The following TTLL11 variants were observed in gnomAD, a reference collection of about 807,000 sequenced individuals.
The protein encoded by TTLL11 is tubulin polyglutamylase TTLL11.
In TTLL11, 42 loss-of-function variants were observed where a neutral mutation model predicts 51.7. The ratio of observed to expected loss-of-function variants is 0.81; its 90% CI spans 0.64 to 1.05. TTLL11 has a LOEUF of 1.05. TTLL11 is among the 50% of genes least tolerant of loss of function. The probability of loss-of-function intolerance (pLI) is 0.00; values close to 1 mark genes in which losing one functional copy is unlikely to be tolerated. For missense variants in TTLL11, 799 were observed against 940.4 expected, an observed-to-expected ratio of 0.85 and a Z score of 1.97; for synonymous variants, 381 against 383.5, an observed-to-expected ratio of 0.99 and a Z score of 0.08.
chr9:121,863,464 T>C (rs1207473848), intron 7 of TTLL11, among the ~76,000 whole-genome samples: 1 of 152,206 alleles, frequency 6.6e-6, no homozygotes, highest in Non-Finnish European at 1.5e-5. Context: ...CACTGGTATA[T>C]AGTCATTTTT....
intron 2 of TTLL11, among the ~76,000 whole-genome samples, chr9:122,034,373 G>C (rs1003208525): frequency 4.6e-5 from 7 of 152,178 alleles, no homozygotes; most frequent in Admixed American, 6.5e-5. Context: ...CAGCTAATAG[G>C]TGTTTCCAAG....
intron 6 of TTLL11, among the ~76,000 whole-genome samples, chr9:121,949,465 C>CA (rs1251477407): frequency 6.6e-6 from 1 of 152,208 alleles, no homozygotes; most frequent in African/African-American, 2.4e-5. Flanking sequence ...TGTGAAATGA[C>CA]AATGAGCATA....
chr9:121,941,550 C>T (rs907080241), intron 6 of TTLL11, among the ~76,000 whole-genome samples: 2 of 152,120 alleles, frequency 1.3e-5, no homozygotes, highest in East Asian at 1.9e-4. Flanking sequence ...CATTGTCAAC[C>T]GCATCATTCT....
At chr9:121,936,181 C>A (rs1003497643) in intron 6 of TTLL11, among the ~76,000 whole-genome samples, 9 of 151,904 alleles carry the variant, frequency 5.9e-5, no homozygotes, top group African/African-American at 1.2e-4. Context: ...GTTCTTAGGA[C>A]AAGCTGAAAT....
intron 1 of TTLL11, among the ~76,000 whole-genome samples, chr9:122,082,772 C>A (rs1033259791): frequency 6.6e-6 from 1 of 152,202 alleles, no homozygotes; most frequent in Non-Finnish European, 1.5e-5. Context: ...GTGGCTCACA[C>A]CTGTAATCTC....
intron 6 of TTLL11, among the ~76,000 whole-genome samples, chr9:121,892,943 A>G (rs995718677): frequency 6.6e-6 from 1 of 151,810 alleles, no homozygotes; most frequent in Non-Finnish European, 1.5e-5. Flanking sequence ...TGAGCCCAGA[A>G]CTCCCCCTCA....
At chr9:122,033,772 T>C (rs1844625633) in intron 2 of TTLL11, among the ~76,000 whole-genome samples, 1 of 152,220 alleles carries the variant, frequency 6.6e-6, no homozygotes, top group Non-Finnish European at 1.5e-5. Flanking sequence ...AGTTGTTGTT[T>C]AGAAGGATGT....
chr9:122,051,304 GGGAT>G (rs1040147486), intron 1 of TTLL11, among the ~76,000 whole-genome samples: 5 of 152,086 alleles, frequency 3.3e-5, no homozygotes, highest in Admixed American at 6.6e-5. Flanking sequence ...TCGACTAAGG[GGGAT>G]GGATGGATGG....
intron 3 of TTLL11, among the ~76,000 whole-genome samples, chr9:122,008,489 T>C (rs1843713058): frequency 6.6e-6 from 1 of 152,186 alleles, no homozygotes; most frequent in African/African-American, 2.4e-5. Context: ...TCAGAATCAC[T>C]AATCATCAGA....
At chr9:121,993,424 C>A (rs1215014870) in intron 3 of TTLL11, among the ~76,000 whole-genome samples, 1 of 152,186 alleles carries the variant, frequency 6.6e-6, no homozygotes, top group Non-Finnish European at 1.5e-5. Flanking sequence ...TTGTTTCTGA[C>A]TGTGTGACCT....
chr9:121,919,690 A>C (rs1011767510), intron 6 of TTLL11, among the ~76,000 whole-genome samples: 1 of 152,184 alleles, frequency 6.6e-6, no homozygotes, highest in Non-Finnish European at 1.5e-5. Context: ...GTGGGGAGAC[A>C]GTGAGTAATA....
At chr9:122,002,784 A>AT (rs1843512258) in intron 3 of TTLL11, among the ~76,000 whole-genome samples, 1 of 151,898 alleles carries the variant, frequency 6.6e-6, no homozygotes. Context: ...CGTCTCTACT[A>AT]AAACTACAAA....
At chr9:121,895,639 ATGAG>A (rs1416013096) in intron 6 of TTLL11, among the ~76,000 whole-genome samples, 2 of 122,022 alleles carry the variant, frequency 1.6e-5, no homozygotes, top group Non-Finnish European at 3.5e-5. Context: ...ATGTGTGCTT[ATGAG>A]TGTGTGTGTA....
chr9:121,834,347 T>A (rs1189300640), intron 8 of TTLL11, among the ~76,000 whole-genome samples: 1 of 152,136 alleles, frequency 6.6e-6, no homozygotes, highest in African/African-American at 2.4e-5. Context: ...TTCAGCTCCA[T>A]GAATAGGGAC....
At chr9:121,968,180 TA>T (rs1254101756) in intron 6 of TTLL11, among the ~76,000 whole-genome samples, 12 of 152,338 alleles carry the variant, frequency 7.9e-5, no homozygotes, top group African/African-American at 2.6e-4. Context: ...TCCTACCCCA[TA>T]AGCTTCCTGC....
At chr9:121,935,117 G>C (rs953176212) in intron 6 of TTLL11, among the ~76,000 whole-genome samples, 1 of 135,896 alleles carries the variant, frequency 7.4e-6, no homozygotes, top group Non-Finnish European at 1.6e-5. Context: ...ACCATGCCCG[G>C]CTATTTTTTT....
At chr9:121,972,141 A>G (rs1414950649) in intron 6 of TTLL11, among the ~76,000 whole-genome samples, 2 of 152,180 alleles carry the variant, frequency 1.3e-5, no homozygotes, top group African/African-American at 4.8e-5. Flanking sequence ...AAAGAAAAAA[A>G]AAAAAAAAGA....
chr9:121,874,605 T>G (rs891082753), intron 6 of TTLL11, among the ~76,000 whole-genome samples: 2 of 152,192 alleles, frequency 1.3e-5, no homozygotes, highest in African/African-American at 2.4e-5. Context: ...TTAAGAGTGT[T>G]TTCATCAGTG....
At chr9:122,080,562 G>A (rs543107738) in intron 1 of TTLL11, among the ~76,000 whole-genome samples, 12 of 151,884 alleles carry the variant, frequency 7.9e-5, no homozygotes, top group South Asian at 6.2e-4. Flanking sequence ...GCATGGGGGC[G>A]CACACCTTTA....
Sources: allele counts gnomAD v4.1 joint callset (sites outside exome capture counted in the v4.1 genomes callset), GRCh38; gene constraint gnomAD v4.1.1; transcripts MANE v1.5; gene names NCBI Gene and HGNC (gene_info 2026-07-23, HGNC 2026-07-21).